PMPCB: variants seen among roughly 807,000 people sequenced by gnomAD.
PMPCB encodes the protein peptidase, mitochondrial processing subunit beta, also known as mitochondrial-processing peptidase subunit beta.
Under a neutral mutation model 61.5 loss-of-function variants are expected in PMPCB, and 46 were observed. That is an observed-to-expected ratio of 0.75 (90% CI 0.59 to 0.96). PMPCB has a LOEUF of 0.96. PMPCB is among the 40% of genes least tolerant of loss of function. PMPCB has a pLI of 0.00. For synonymous variants in PMPCB, 191 were observed against 201.6 expected, an observed-to-expected ratio of 0.95 and a Z score of 0.44; for missense variants, 590 against 602.4, an observed-to-expected ratio of 0.98 and a Z score of 0.22.
At chr7:103,342,031 G>A in the PMPCB span, 3 of 1,208,128 alleles carry the variant, frequency 2.5e-6, no homozygotes, top group African/African-American at 1.5e-5. Context: ...AATTTTTTCA[G>A]GAAATAAAAT....
chr7:103,303,068 T>C (rs777938036), intron 4 of PMPCB, among the ~76,000 whole-genome samples: 3 of 152,206 alleles, frequency 2.0e-5, no homozygotes, highest in Non-Finnish European at 2.9e-5. Flanking sequence ...ACTTCACTTT[T>C]GGCTTTTTGC....
the PMPCB span, among the ~76,000 whole-genome samples, chr7:103,339,054 C>T: frequency 1.3e-5 from 2 of 152,162 alleles, no homozygotes; most frequent in East Asian, 1.9e-4. Context: ...CAAACAGAAA[C>T]CTGTAAAACC....
the PMPCB span, among the ~76,000 whole-genome samples, chr7:103,345,599 T>A: frequency 5.3e-5 from 8 of 150,112 alleles, no homozygotes; most frequent in Non-Finnish European, 8.9e-5. Flanking sequence ...TTAAAGTTTT[T>A]AAATATATTA....
chr7:103,320,786 C>A, intron 12 of PMPCB: 1 of 164,388 alleles, frequency 6.1e-6, no homozygotes, highest in Non-Finnish European at 1.2e-5. Flanking sequence ...TATATATATT[C>A]TGAAACTGTG....
intron 6 of PMPCB, among the ~76,000 whole-genome samples, chr7:103,307,011 G>C (rs191995101): frequency 6.6e-6 from 1 of 152,076 alleles, no homozygotes; most frequent in East Asian, 1.9e-4. Context: ...TGCCCACCTT[G>C]ACTTCCCAAA....
chr7:103,344,291 G>A, the PMPCB span: 13 of 532,496 alleles, frequency 2.4e-5, no homozygotes, highest in East Asian at 4.1e-4. Flanking sequence ...GTTCCGTCCC[G>A]AAATGCTCAG....
intron 1 of PMPCB, 143 bp from the exon 2 acceptor site, chr7:103,298,425 A>T (rs1233511028): frequency 1.2e-6 from 1 of 800,926 alleles, no homozygotes; most frequent in South Asian, 1.8e-5. Context: ...CCAGGCAGAG[A>T]TCTCAGTGGA....
the PMPCB span, chr7:103,344,741 A>T: frequency 2.9e-6 from 3 of 1,035,932 alleles, no homozygotes; most frequent in Non-Finnish European, 4.3e-6. Context: ...TAAGACGCCC[A>T]GGAACCGGCG....
intron 8 of PMPCB, chr7:103,309,403 G>A (rs896651288): frequency 5.1e-6 from 1 of 195,400 alleles, no homozygotes. Context: ...TTCCATATCC[G>A]TGGATTCAAC....
At chr7:103,341,796 T>G in the PMPCB span, 1 of 1,598,974 alleles carries the variant, frequency 6.3e-7, no homozygotes, top group Non-Finnish European at 8.5e-7. Context: ...GTTTTCAGCA[T>G]GGGAAACTCT....
chr7:103,300,914 C>G (rs1447237898), intron 4 of PMPCB, among the ~76,000 whole-genome samples: 1 of 152,102 alleles, frequency 6.6e-6, no homozygotes, highest in Admixed American at 6.5e-5. Flanking sequence ...AAACTCCTGA[C>G]CTCAAGTGAC....
the PMPCB span, chr7:103,337,834 A>G: frequency 6.3e-7 from 1 of 1,594,696 alleles, no homozygotes; most frequent in Non-Finnish European, 8.6e-7. Context: ...CACAAAAGGG[A>G]GTCAAATTTG....
At chr7:103,337,735 C>A in the PMPCB span, 2 of 1,610,676 alleles carry the variant, frequency 1.2e-6, no homozygotes, top group Admixed American at 3.3e-5. Flanking sequence ...TAAGTACTTA[C>A]GAGCTGCTTT....
the PMPCB span, chr7:103,337,749 C>G: frequency 6.2e-7 from 1 of 1,613,382 alleles, no homozygotes. Context: ...CTGCTTTGAT[C>G]TGTCTCTGTG....
Position 103,311,906 on chromosome 7 carries a change from C to T in PMPCB, c.1329+10C>T, listed in dbSNP as rs1477653707. The stretch of plus-strand genomic sequence containing the variant: ...TGAAGCAAGAATTGATGTAAGTAGT[C>T]CTGAGTTACTATTGGGTCATGTGTA... On this transcript the variant is annotated intron_variant, in intron 11 of 12. Coordinates refer to ENST00000249269, the MANE Select transcript of PMPCB (RefSeq NM_004279.3). 5 of 1,572,798 alleles carry T rather than the reference C, an allele frequency of 3.2e-6. No homozygotes were observed. The highest frequency in any genetic ancestry group is 4.4e-6 in the Non-Finnish European group (5 of 1,145,454).
intron 12 of PMPCB, chr7:103,324,625 CAATTT>C (rs1230638308): frequency 7.9e-6 from 10 of 1,263,708 alleles, no homozygotes; most frequent in South Asian, 3.6e-5. Context: ...GTTCAACAAA[CAATTT>C]AATTTATTAA....
chr7:103,317,472 A>G (rs891055682), downstream of PMPCB: 3 of 153,962 alleles, frequency 1.9e-5, no homozygotes, highest in African/African-American at 7.2e-5. Flanking sequence ...ACCTTCAAAC[A>G]TGCACAAGTA....
Position 103,306,018 on chromosome 7 carries a change from G to C in PMPCB, c.736+1528G>C, listed in dbSNP as rs115982857. Among the ~76,000 whole-genome samples the C allele has an allele frequency of 4.6e-3, 702 of 152,278 alleles. 9 individuals carry two copies. Among genetic ancestry groups the C allele is most frequent in the African/African-American group, 0.016 (658 of 41,550 alleles). On this transcript the variant is annotated intron_variant, in intron 6 of 12. Transcript: ENST00000249269. ...GATATCTTTAGTTTAATGGCTTATA[G>C]ATTAATTAGTATTCATTTTAAATAC...
At chr7:103,320,196 C>A (rs1223023984) in intron 12 of PMPCB, among the ~76,000 whole-genome samples, 2 of 152,068 alleles carry the variant, frequency 1.3e-5, no homozygotes, top group African/African-American at 4.8e-5. Flanking sequence ...TCAAGCTATT[C>A]TTCTGCCTCA....
Sources: gnomAD v4.1 joint callset for allele counts (sites outside exome capture counted in the v4.1 genomes callset) on GRCh38, gnomAD v4.1.1 for gene constraint, MANE v1.5 for transcripts, NCBI Gene and HGNC (gene_info 2026-07-23, HGNC 2026-07-21) for gene names.